Variants in SPMAP2 observed in about 807,000 individuals in gnomAD.
SPMAP2 encodes the protein Theg homolog.
At chr19:370,603 G>A in the SPMAP2 span, among the ~76,000 whole-genome samples, 4 of 152,014 alleles carry the variant, frequency 2.6e-5, no homozygotes, top group African/African-American at 9.7e-5. Flanking sequence ...ACCCGCCTCA[G>A]CCTTCCAAAG....
the SPMAP2 span, chr19:372,509 G>C: frequency 1.8e-4 from 180 of 983,354 alleles, 1 homozygote; most frequent in Non-Finnish European, 2.7e-4. Context: ...AGCCCCGTCT[G>C]AACACCAGCT....
the SPMAP2 span, among the ~76,000 whole-genome samples, chr19:364,058 G>C: frequency 2.0e-5 from 3 of 151,938 alleles, no homozygotes; most frequent in Non-Finnish European, 4.4e-5. Context: ...TTTCGGTTGG[G>C]CGCGGTGGCT....
the SPMAP2 span, chr19:362,131 C>T: frequency 2.4e-6 from 3 of 1,250,588 alleles, no homozygotes; most frequent in Middle Eastern, 2.1e-4. Flanking sequence ...CTTCTCCAGG[C>T]CAAAAAGCTC....
chr19:362,596 C>T, the SPMAP2 span, among the ~76,000 whole-genome samples: 384 of 151,936 alleles, frequency 2.5e-3, 8 homozygotes, highest in Non-Finnish European at 1.1e-3. Context: ...GATGAAACCT[C>T]GTCTCTACTA....
At chr19:371,586 G>A in the SPMAP2 span, among the ~76,000 whole-genome samples, 1 of 152,274 alleles carries the variant, frequency 6.6e-6, no homozygotes, top group South Asian at 2.1e-4. Context: ...TCCCAGGGTT[G>A]TCTCTGCTCA....
chr19:366,389 C>T, the SPMAP2 span, among the ~76,000 whole-genome samples: 12 of 152,190 alleles, frequency 7.9e-5, no homozygotes, highest in East Asian at 1.9e-3. Context: ...TGTTTATACT[C>T]GCCGTGTGTG....
At chr19:367,052 G>A in the SPMAP2 span, 1 of 1,612,648 alleles carries the variant, frequency 6.2e-7, no homozygotes. Context: ...CCTAGCCTGA[G>A]GCACCTACTT....
chr19:370,502 C>T, the SPMAP2 span, among the ~76,000 whole-genome samples: 5 of 110,870 alleles, frequency 4.5e-5, no homozygotes, highest in East Asian at 2.5e-4. Flanking sequence ...CCACCACCCC[C>T]GGCTAATTTT....
chr19:362,866 T>A, the SPMAP2 span, among the ~76,000 whole-genome samples: 1 of 149,990 alleles, frequency 6.7e-6, no homozygotes, highest in African/African-American at 2.5e-5. Context: ...GAGTGGAATA[T>A]GACTCAGCCA....
chr19:374,896 T>G, the SPMAP2 span, among the ~76,000 whole-genome samples: 1 of 152,244 alleles, frequency 6.6e-6, no homozygotes, highest in Admixed American at 6.5e-5. Context: ...CCAGGATATC[T>G]GCCCTGTCCT....
At chr19:369,784 G>A in the SPMAP2 span, among the ~76,000 whole-genome samples, 1 of 152,220 alleles carries the variant, frequency 6.6e-6, no homozygotes, top group East Asian at 1.9e-4. Flanking sequence ...GGCAGGGGTG[G>A]ATCTCGCAAA....
the SPMAP2 span, among the ~76,000 whole-genome samples, chr19:370,033 T>C: frequency 6.6e-6 from 1 of 152,056 alleles, no homozygotes; most frequent in East Asian, 1.9e-4. Flanking sequence ...ACCCAAAGAA[T>C]GCAAGATGGC....
chr19:362,392 G>A, the SPMAP2 span: 1 of 1,608,580 alleles, frequency 6.2e-7, no homozygotes, highest in Admixed American at 1.7e-5. Flanking sequence ...GAGGATCTCG[G>A]TCAGGAACGC....
chr19:369,908 G>A, the SPMAP2 span, among the ~76,000 whole-genome samples: 30 of 152,206 alleles, frequency 2.0e-4, no homozygotes, highest in Non-Finnish European at 4.4e-4. Flanking sequence ...CTTCTTTTGT[G>A]GATCTTCAGT....
At chr19:363,168 C>T in the SPMAP2 span, among the ~76,000 whole-genome samples, 4 of 152,152 alleles carry the variant, frequency 2.6e-5, no homozygotes, top group Non-Finnish European at 5.9e-5. Flanking sequence ...CTAAAAGCCA[C>T]TGAAACATAT....
At chr19:371,967 G>A in the SPMAP2 span, among the ~76,000 whole-genome samples, 38,483 of 152,176 alleles carry the variant, frequency 0.25, 6,051 homozygotes, top group South Asian at 0.43. Context: ...TGCTGTTCAC[G>A]TGATCTGCAC....
At chr19:372,783 CT>C in the SPMAP2 span, 1 of 1,369,402 alleles carries the variant, frequency 7.3e-7, no homozygotes, top group Non-Finnish European at 1.0e-6. Context: ...CGGAATTCAG[CT>C]TTTCATGAGC....
the SPMAP2 span, chr19:373,978 G>A: frequency 1.9e-6 from 3 of 1,613,692 alleles, no homozygotes; most frequent in East Asian, 2.2e-5. Flanking sequence ...TACATGGGGA[G>A]ATCCAGGCAT....
At chr19:373,364 A>G in the SPMAP2 span, 1 of 1,064,090 alleles carries the variant, frequency 9.4e-7, no homozygotes, top group South Asian at 1.4e-5. Context: ...AGAGGCTCCG[A>G]GGAGATGGGG....
Sources: gnomAD v4.1 joint callset for allele counts (sites outside exome capture counted in the v4.1 genomes callset) on GRCh38, gnomAD v4.1.1 for gene constraint, MANE v1.5 for transcripts, NCBI Gene and HGNC (gene_info 2026-07-23, HGNC 2026-07-21) for gene names.